Variants in SAMMSON observed in about 807,000 individuals in gnomAD.
SAMMSON encodes survival associated mitochondrial melanoma specific oncogenic non-coding RNA.
chr3:70,100,540 C>T (rs1173393483), intron 4 of SAMMSON, among the ~76,000 whole-genome samples: 1 of 52,354 alleles, frequency 1.9e-5, no homozygotes, highest in African/African-American at 6.6e-5. Flanking sequence ...GGGGAAGCAC[C>T]AAATGTAGTT....
chr3:70,272,505 CT>C lies in SAMMSON; in HGVS notation n.675-18673del, dbSNP rs368383052. Among the ~76,000 whole-genome samples, 125 of 152,328 alleles carry C rather than the reference CT, an allele frequency of 8.2e-4. No homozygotes were observed. In the East Asian group the frequency reaches 0.017, roughly 20 times the overall value. ...CCAAAATTTGTTTATCTGTTCTCCC[CT>C]GATGGATGTTTGGATGTTTCCTGTT... On this transcript the variant is annotated intron_variant and non_coding_transcript_variant, in intron 6 of 9. Transcript: ENST00000642114.
chr3:70,256,912 C>T (rs1442215286), intron 6 of SAMMSON, among the ~76,000 whole-genome samples: 1 of 152,186 alleles, frequency 6.6e-6, no homozygotes, highest in African/African-American at 2.4e-5. Flanking sequence ...CACATGTTCT[C>T]ACTTCCCTGG....
intron 4 of SAMMSON, among the ~76,000 whole-genome samples, chr3:70,165,100 G>C (rs2067631820): frequency 6.6e-6 from 1 of 151,950 alleles, no homozygotes; most frequent in Non-Finnish European, 1.5e-5. Flanking sequence ...TGAATTCTCT[G>C]GACATGTGGA....
At chr3:70,407,121 T>TG (rs1485861230) in intron 2 of SAMMSON, among the ~76,000 whole-genome samples, 2 of 152,184 alleles carry the variant, frequency 1.3e-5, no homozygotes, top group Non-Finnish European at 2.9e-5. Flanking sequence ...GAGAACAGTA[T>TG]GGGGGAACCA....
intron 3 of SAMMSON, among the ~76,000 whole-genome samples, chr3:70,032,819 G>T (rs991158538): frequency 4.5e-4 from 69 of 152,322 alleles, no homozygotes; most frequent in African/African-American, 1.5e-3. Flanking sequence ...TATAGGAAGT[G>T]CTGCAACAGG....
chr3:70,033,917 T>C lies in SAMMSON; in HGVS notation n.417+20245T>C, dbSNP rs570881105. Among the ~76,000 whole-genome samples the C allele has an allele frequency of 1.5e-4, 23 of 152,072 alleles. No homozygotes were observed. The South Asian group carries it at 3.7e-3, about 25-fold the overall frequency. ...GAGGATGGGGAAGGACAGGAGAGAATTGGGCACGCAAAATCTGAACAGTGT... is the reference window on the plus strand; with the variant it reads ...GAGGATGGGGAAGGACAGGAGAGAACTGGGCACGCAAAATCTGAACAGTGT... On this transcript the variant is annotated intron_variant and non_coding_transcript_variant, in intron 3 of 9. Coordinates refer to ENST00000642114, the Ensembl canonical transcript of SAMMSON.
At chr3:70,211,669 CTTCCCTTTCCT>C (rs1386468380) in intron 4 of SAMMSON, among the ~76,000 whole-genome samples, 2 of 130,552 alleles carry the variant, frequency 1.5e-5, no homozygotes, top group African/African-American at 5.9e-5. Flanking sequence ...TTCCCTTTCC[CTTCCCTTTCCT>C]TCCTTTCCCT....
rs75325298 is a variant in SAMMSON at position 70,267,846 on chromosome 3, T to C, written n.674+18176T>C. On this transcript the variant is annotated intron_variant and non_coding_transcript_variant, in intron 6 of 9. Coordinates refer to ENST00000642114, the Ensembl canonical transcript of SAMMSON. Reference sequence around the variant, plus strand: ...AAAAATGGAAATTTAATATGATTACTAATATATCCAGATAACTTGTTTACC... The same window carrying C: ...AAAAATGGAAATTTAATATGATTACCAATATATCCAGATAACTTGTTTACC... 6.4e-3 allele frequency among the ~76,000 whole-genome samples: 967 copies of C among 152,272 alleles called. 4 individuals carry two copies. The highest frequency in any genetic ancestry group is 0.011 in the Non-Finnish European group (755 of 68,014).
intron 4 of SAMMSON, among the ~76,000 whole-genome samples, chr3:70,229,117 C>A (rs1701535590): frequency 6.6e-6 from 1 of 152,084 alleles, no homozygotes; most frequent in Non-Finnish European, 1.5e-5. Flanking sequence ...AAGGATGTAC[C>A]CTCTCTTTTA....
intron 3 of SAMMSON, among the ~76,000 whole-genome samples, chr3:70,046,851 CAA>C (rs1311354608): frequency 6.6e-6 from 1 of 152,060 alleles, no homozygotes; most frequent in Admixed American, 6.6e-5. Context: ...CCTTTATCCT[CAA>C]AGTCAGCCCT....
intron 1 of SAMMSON, among the ~76,000 whole-genome samples, chr3:70,009,596 A>C (rs1379864818): frequency 6.6e-6 from 1 of 151,642 alleles, no homozygotes; most frequent in Admixed American, 6.6e-5. Flanking sequence ...CAGCTCCTGG[A>C]TTCATTGATT....
intron 6 of SAMMSON, among the ~76,000 whole-genome samples, chr3:70,251,284 C>G (rs764380954): frequency 1.1e-4 from 17 of 152,186 alleles, no homozygotes; most frequent in Non-Finnish European, 2.1e-4. Context: ...GTTCTTAGAA[C>G]TCAATGTCCA....
chr3:70,304,774 G>C (rs908891956), intron 7 of SAMMSON, among the ~76,000 whole-genome samples: 8 of 152,034 alleles, frequency 5.3e-5, no homozygotes. Context: ...ATGTTACCCT[G>C]TTTAGAATCT....
At chr3:70,083,233 G>C (rs2067272875) in intron 4 of SAMMSON, among the ~76,000 whole-genome samples, 2 of 152,162 alleles carry the variant, frequency 1.3e-5, no homozygotes, top group South Asian at 4.1e-4. Flanking sequence ...TGTATCGCTT[G>C]CCATTTGGTT....
intron 2 of SAMMSON, among the ~76,000 whole-genome samples, chr3:70,430,982 A>C (rs1403524495): frequency 2.6e-5 from 4 of 152,092 alleles, no homozygotes; most frequent in African/African-American, 9.7e-5. Flanking sequence ...TATTTCAACT[A>C]TTCAGTGGTT....
chr3:70,402,502 A>C (rs1157208595), intron 2 of SAMMSON, among the ~76,000 whole-genome samples: 2 of 152,196 alleles, frequency 1.3e-5, no homozygotes, highest in African/African-American at 4.8e-5. Context: ...TAAAGGTTTT[A>C]AAAATATATT....
chr3:70,074,771 G>A (rs1053971555), intron 4 of SAMMSON: 4 of 152,040 alleles, frequency 2.6e-5, no homozygotes, highest in African/African-American at 9.7e-5. Flanking sequence ...CTAGGCTTTA[G>A]CATCATTGAA....
At chr3:70,056,703 T>C (rs1387908631) in intron 3 of SAMMSON, among the ~76,000 whole-genome samples, 1 of 152,036 alleles carries the variant, frequency 6.6e-6, no homozygotes, top group Non-Finnish European at 1.5e-5. Context: ...TAACACTTCT[T>C]ATTACATGTT....
At chr3:70,170,338 T>G (rs1196028372) in intron 4 of SAMMSON, among the ~76,000 whole-genome samples, 3 of 151,780 alleles carry the variant, frequency 2.0e-5, no homozygotes, top group African/African-American at 7.3e-5. Flanking sequence ...AAATGACAAA[T>G]GTTCAAAAAT....
Sources: gnomAD v4.1 joint callset for allele counts (sites outside exome capture counted in the v4.1 genomes callset) on GRCh38, gnomAD v4.1.1 for gene constraint, MANE v1.5 for transcripts, NCBI Gene and HGNC (gene_info 2026-07-23, HGNC 2026-07-21) for gene names.